SERINC3: variants seen among roughly 807,000 people sequenced by gnomAD.
SERINC3 encodes tumor differentially expressed protein 1.
A neutral mutation model predicts 52.1 loss-of-function variants in SERINC3; 22 were observed. The observed-to-expected ratio is 0.42, with a 90% CI of 0.30 to 0.60. The LOEUF is 0.60. Among genes scored for constraint, SERINC3 ranks in the 20% least tolerant of loss-of-function variants. The pLI is 0.16. For missense variants in SERINC3, 564 were observed against 584.6 expected, an observed-to-expected ratio of 0.96 and a Z score of 0.36; for synonymous variants, 226 against 212.7, an observed-to-expected ratio of 1.06 and a Z score of -0.54.
intron 5 of SERINC3, among the ~76,000 whole-genome samples, chr20:44,508,268 G>C (rs966227618): frequency 6.6e-6 from 1 of 152,142 alleles, no homozygotes; most frequent in Non-Finnish European, 1.5e-5. Context: ...TGGATCGATT[G>C]AGTCCAGGAG....
chr20:44,509,021 A>G (rs1405327627), intron 5 of SERINC3, among the ~76,000 whole-genome samples: 2 of 152,264 alleles, frequency 1.3e-5, no homozygotes, highest in Admixed American at 6.5e-5. Flanking sequence ...AAAGCATTTT[A>G]AAATATTCAT....
In SERINC3 at chr20:44,501,251, T is replaced by G; in HGVS notation, c.1105A>C (p.Ser369Arg). Residue 369 changes from serine to arginine, a missense_variant, in exon 9 of 10, where the codon AGT becomes CGT. Transcript: ENST00000342374. ...SQVDKLTLSG[S>R]DSVILGDTTT... ...GTATCACCAAGGATGACGCTGTCACTCCCTGACAGGGTCAGCTTGTCTACT... is the reference window on the plus strand; with the variant it reads ...GTATCACCAAGGATGACGCTGTCACGCCCTGACAGGGTCAGCTTGTCTACT... 1 of 1,614,130 alleles carries G rather than the reference T, an allele frequency of 6.2e-7. No homozygotes were observed.
chr20:44,502,516 G>A (rs2064286099), intron 8 of SERINC3, among the ~76,000 whole-genome samples: 2 of 150,382 alleles, frequency 1.3e-5, no homozygotes, highest in Admixed American at 6.6e-5. Flanking sequence ...CCAGGAGCTT[G>A]AGGCTGTAGT....
At position 44,500,452 on chromosome 20, in the gene SERINC3, A is replaced by T. The variant is rs1170476455; in HGVS notation, c.1284-18T>A. The stretch of plus-strand genomic sequence containing the variant: ...CATCAGGGCTAAGAAAACAAGAGAG[A>T]GTCAGGTAGAAAAGCCTGGTCTACC... On this transcript the variant is annotated intron_variant, in intron 9 of 9. Transcript: ENST00000342374. 3 of 1,554,078 alleles carry T rather than the reference A, an allele frequency of 1.9e-6. No individual in the cohort carries two copies. Among genetic ancestry groups the T allele is most frequent in the South Asian group, 1.2e-5 (1 of 84,194 alleles).
chr20:44,514,179 A>G (rs1165138830), intron 1 of SERINC3, 139 bp from the exon 2 acceptor site: 1 of 879,074 alleles, frequency 1.1e-6, no homozygotes, highest in African/African-American at 1.7e-5. Flanking sequence ...GAAGTGGTTA[A>G]AAGTACGGGC....
intron 5 of SERINC3, among the ~76,000 whole-genome samples, chr20:44,509,370 T>C (rs1289449573): frequency 6.6e-6 from 1 of 152,202 alleles, no homozygotes; most frequent in Non-Finnish European, 1.5e-5. Context: ...TAAATATAAC[T>C]GTTTTTCCTT....
rs2064271708 is a variant in SERINC3 at position 44,500,349 on chromosome 20, A to G, written c.1369T>C (p.Tyr457His). The G allele has an allele frequency of 6.2e-7, 1 of 1,609,712 alleles. No individual in the cohort carries two copies. The highest frequency in any genetic ancestry group is 1.3e-5 in the African/African-American group (1 of 75,012). The change falls in exon 10 of 10, where the codon TAC becomes CAC. Residue 457 changes from tyrosine (Y) to histidine (H), a missense_variant. Physicochemically the swap from Tyr to His is moderately conservative, Grantham distance 83. Transcript: ENST00000342374. ...AGTGGAGCCACAAGGGTCCAGACGTAAAGCAGGAGGCAGACCCAGCTGGAG... is the reference window on the plus strand; with the variant it reads ...AGTGGAGCCACAAGGGTCCAGACGTGAAGCAGGAGGCAGACCCAGCTGGAG... ...ISSSWVCLLL[Y>H]VWTLVAPLVL...
intron 1 of SERINC3, among the ~76,000 whole-genome samples, chr20:44,514,882 C>T (rs901739146): frequency 6.6e-6 from 1 of 152,192 alleles, no homozygotes; most frequent in African/African-American, 2.4e-5. Context: ...AAGTTAAATA[C>T]AGAATGACCA....
At chr20:44,511,456 CTT>C (rs1285963566) in intron 3 of SERINC3, 88 bp from the exon 4 acceptor site, 8 of 799,714 alleles carry the variant, frequency 1.0e-5, no homozygotes, top group Non-Finnish European at 1.7e-5. Context: ...AAAATAATAA[CTT>C]AATAGCTTTT....
Position 44,501,163 on chromosome 20 carries a change from T to C in SERINC3, c.1193A>G (p.Lys398Arg). The C allele has an allele frequency of 6.2e-7, 1 of 1,614,142 alleles. No individual in the cohort carries two copies. The highest frequency in any genetic ancestry group is 8.5e-7 in the Non-Finnish European group (1 of 1,180,016). ...GQPRRAVDNE[K>R]EGVQYSYSLF... ...GGAGTAGCTATACTGCACTCCCTCTTTCTCGTTGTCCACAGCCCGCCGAGG... is the reference window on the plus strand; with the variant it reads ...GGAGTAGCTATACTGCACTCCCTCTCTCTCGTTGTCCACAGCCCGCCGAGG... Residue 398 changes from lysine (K) to arginine (R), a missense_variant, in exon 9 of 10, where the codon AAA becomes AGA. Transcript: ENST00000342374.
intron 1 of SERINC3, among the ~76,000 whole-genome samples, chr20:44,515,537 G>A (rs1215370014): frequency 6.6e-6 from 1 of 152,202 alleles, no homozygotes; most frequent in Non-Finnish European, 1.5e-5. Flanking sequence ...GGGGTTGAAG[G>A]GAAGGGAAAT....
chr20:44,520,111 C>T (rs1225294217), intron 1 of SERINC3, among the ~76,000 whole-genome samples: 1 of 152,196 alleles, frequency 6.6e-6, no homozygotes, highest in Non-Finnish European at 1.5e-5. Context: ...TGCATAAAAG[C>T]TCAGAAGGAC....
Position 44,503,923 on chromosome 20 carries a change from G to T in SERINC3, c.947C>A (p.Ser316Ter). Residue 316 changes from serine to a stop codon, truncating the protein, a stop_gained, in exon 8 of 10, where the codon TCA becomes TAA. Transcript: ENST00000342374. LOFTEE classifies it high-confidence loss of function. ...ITAPTLAPGN[S>*]TAVVPTPTPP... ...AGTAGGGGTAGGGACCACAGCAGTTGAATTTCCAGGAGCCAGGGTTGGTGC... is the reference window on the plus strand; with the variant it reads ...AGTAGGGGTAGGGACCACAGCAGTTTAATTTCCAGGAGCCAGGGTTGGTGC... 5 of 1,605,926 alleles carry T rather than the reference G, an allele frequency of 3.1e-6. No homozygotes were observed. The highest frequency in any genetic ancestry group is 3.4e-6 in the Non-Finnish European group (4 of 1,177,288).
chr20:44,522,038 T>A lies in SERINC3; in HGVS notation c.-87A>T, dbSNP rs1332477809. ...CAGCTGAGGTGACTCCCCAGAAACA[T>A]GACGGTTTCTCAGGCCGGAAACGCA... On this transcript the variant is annotated 5_prime_UTR_variant, in exon 1 of 10. It removes an upstream start codon present in the reference 5' UTR. Coordinates refer to ENST00000342374, the MANE Select transcript of SERINC3 (RefSeq NM_006811.4). The A allele has an allele frequency of 2.2e-6, 3 of 1,365,538 alleles. No homozygotes were observed. Among genetic ancestry groups the A allele is most frequent in the Non-Finnish European group, 2.0e-6 (2 of 982,182 alleles). The allele number at this position is 1,365,538 out of a possible 1,614,324, so 84.6% of individuals were successfully genotyped here.
chr20:44,517,001 C>T (rs911867221), intron 1 of SERINC3, among the ~76,000 whole-genome samples: 2 of 152,058 alleles, frequency 1.3e-5, no homozygotes, highest in Non-Finnish European at 2.9e-5. Context: ...AAAATATGGT[C>T]CCAGGAATAA....
intron 1 of SERINC3, among the ~76,000 whole-genome samples, chr20:44,517,898 ATATGT>A (rs1442826584): frequency 4.6e-5 from 7 of 152,196 alleles, no homozygotes; most frequent in South Asian, 2.1e-4. Flanking sequence ...CTGTCCTACT[ATATGT>A]TATGTCATTT....
At position 44,501,134 on chromosome 20, in the gene SERINC3, A is replaced by G. The variant is rs149914074; in HGVS notation, c.1222T>C (p.Phe408Leu). ...KEGVQYSYSL[F>L]HLMLCLASLY... Reference sequence around the variant, plus strand: ...GAAGCCAAGCAGAGCATGAGGTGGAATAAGGAGTAGCTATACTGCACTCCC... The same window carrying G: ...GAAGCCAAGCAGAGCATGAGGTGGAGTAAGGAGTAGCTATACTGCACTCCC... Residue 408 changes from phenylalanine (F) to leucine (L), a missense_variant, in exon 9 of 10, where the codon TTC (phenylalanine) becomes CTC (leucine). Physicochemically the swap from Phe to Leu is conservative, Grantham distance 22. Coordinates refer to ENST00000342374, the MANE Select transcript of SERINC3 (RefSeq NM_006811.4). 6.2e-7 allele frequency: 1 copy of G among 1,614,162 alleles called. No individual in the cohort carries two copies. Among genetic ancestry groups the G allele is most frequent in the Non-Finnish European group, 8.5e-7 (1 of 1,180,018 alleles).
At chr20:44,514,693 G>A (rs921782670) in intron 1 of SERINC3, among the ~76,000 whole-genome samples, 3 of 152,062 alleles carry the variant, frequency 2.0e-5, no homozygotes, top group Admixed American at 1.3e-4. Context: ...CCCAGGAGGC[G>A]GAGCTCACAC....
chr20:44,500,330 G>A lies in SERINC3; in HGVS notation c.1388C>T (p.Ala463Val). ...CLLLYVWTLVAPLVLTSRDFS is the reference protein window; with the variant it reads ...CLLLYVWTLVVPLVLTSRDFS The stretch of plus-strand genomic sequence containing the variant: ...GTCCCGACTGGTGAGGACAAGTGGA[G>A]CCACAAGGGTCCAGACGTAAAGCAG... The change falls in exon 10 of 10, where the codon GCT becomes GTT. Residue 463 changes from alanine (A) to valine (V), a missense_variant. Physicochemically the swap from Ala to Val is moderately conservative, Grantham distance 64 (BLOSUM62 0). Coordinates refer to ENST00000342374, the MANE Select transcript of SERINC3 (RefSeq NM_006811.4). 6.2e-7 allele frequency: 1 copy of A among 1,611,194 alleles called. No homozygotes were observed. Among genetic ancestry groups the A allele is most frequent in the Non-Finnish European group, 8.5e-7 (1 of 1,178,902 alleles).
Sources: gnomAD v4.1 joint callset for allele counts (sites outside exome capture counted in the v4.1 genomes callset) on GRCh38, gnomAD v4.1.1 for gene constraint, MANE v1.5 for transcripts, NCBI Gene and HGNC (gene_info 2026-07-23, HGNC 2026-07-21) for gene names.